BTRC: variants seen among roughly 807,000 people sequenced by gnomAD.
BTRC encodes the protein F-box/WD repeat-containing protein 1A.
In BTRC, 42 loss-of-function variants were observed where a neutral mutation model predicts 85.5. That is an observed-to-expected ratio of 0.49 (90% CI 0.38 to 0.64). The LOEUF (loss-of-function observed/expected upper bound fraction) is 0.64, where lower values mean the gene tolerates loss of function less well. Among genes scored for constraint, BTRC ranks in the 30% least tolerant of loss-of-function variants. The pLI is 0.00. For synonymous variants in BTRC, 255 were observed against 263.3 expected, an observed-to-expected ratio of 0.97 and a Z score of 0.30; for missense variants, 594 against 743.5, an observed-to-expected ratio of 0.80 and a Z score of 2.34.
At position 101,538,371 on chromosome 10, in the gene BTRC, G is replaced by A; in HGVS notation, c.1656G>A (p.Val552=). ...PAGTLCLRTL[V]EHSGRVFRLQ... ...GGACACTCTGTCTACGGACCCTTGTGGTAAGAGCCTTGCTGTTTAGAGAGC... is the reference window on the plus strand; with the variant it reads ...GGACACTCTGTCTACGGACCCTTGTAGTAAGAGCCTTGCTGTTTAGAGAGC... The change falls in exon 13 of 15, where the codon GTG becomes GTA. Residue 552 remains valine (V), a splice_region_variant and synonymous_variant. Transcript: ENST00000370187. 1 of 1,612,360 alleles carries A rather than the reference G, an allele frequency of 6.2e-7. No homozygotes were observed. The highest frequency in any genetic ancestry group is 8.5e-7 in the Non-Finnish European group (1 of 1,178,394).
intron 13 of BTRC, among the ~76,000 whole-genome samples, chr10:101,546,879 TC>T (rs1486226510): frequency 2.6e-5 from 4 of 152,202 alleles, no homozygotes; most frequent in African/African-American, 9.7e-5. Context: ...TTAATAATTA[TC>T]TTTCCAAACA....
chr10:101,372,501 G>A (rs1184963266), intron 1 of BTRC, among the ~76,000 whole-genome samples: 4 of 148,516 alleles, frequency 2.7e-5, no homozygotes, highest in East Asian at 2.1e-4. Flanking sequence ...TGATCTGCCC[G>A]CCTCGGCCTC....
rs1158403900 is a variant in BTRC at position 101,538,347 on chromosome 10, GAC to G, written c.1635_1636del (p.Cys547SerfsTer17). On this transcript the variant is annotated frameshift_variant, in exon 13 of 15. Coordinates refer to ENST00000370187, the MANE Select transcript of BTRC (RefSeq NM_033637.4). LOFTEE classifies it high-confidence loss of function. The part of the protein sequence containing the change: ...AALDPRAPAG[T>X]LCLRTLVEHS... ...CTTTGGACCCCCGTGCTCCTGCAGGGACACTCTGTCTACGGACCCTTGTGGTA... is the reference window on the plus strand; with the variant it reads ...CTTTGGACCCCCGTGCTCCTGCAGGGACTCTGTCTACGGACCCTTGTGGTA... The G allele has an allele frequency of 1.9e-6, 3 of 1,613,896 alleles. No homozygotes were observed. Among genetic ancestry groups the G allele is most frequent in the Non-Finnish European group, 2.5e-6 (3 of 1,179,896 alleles).
intron 1 of BTRC, among the ~76,000 whole-genome samples, chr10:101,419,767 TATC>T (rs1944048093): frequency 1.3e-5 from 2 of 152,200 alleles, no homozygotes; most frequent in African/African-American, 4.8e-5. Flanking sequence ...TATCCATTAT[TATC>T]ATTATTTAGT....
At chr10:101,382,144 G>A (rs749788504) in intron 1 of BTRC, among the ~76,000 whole-genome samples, 12 of 150,984 alleles carry the variant, frequency 7.9e-5, no homozygotes, top group Non-Finnish European at 1.3e-4. Flanking sequence ...CACCACGCCC[G>A]GTTAATTTTT....
chr10:101,526,410 T>G (rs2062191816), intron 6 of BTRC, among the ~76,000 whole-genome samples: 1 of 152,236 alleles, frequency 6.6e-6, no homozygotes, highest in Non-Finnish European at 1.5e-5. Flanking sequence ...GATATTGTAT[T>G]AATACTGCTT....
chr10:101,517,466 T>C (rs760686960), intron 4 of BTRC, among the ~76,000 whole-genome samples: 29 of 152,218 alleles, frequency 1.9e-4, no homozygotes, highest in Non-Finnish European at 3.8e-4. Context: ...AAGGCAAGCC[T>C]GAGCCTTGAA....
rs10610835 is a variant in BTRC, at chr10:101,399,321, CT to C, written c.49-31001del. The stretch of plus-strand genomic sequence containing the variant: ...AAGGGAGAACTATAACTAGAATCAC[CT>C]TTTTTTTTTTTTTTTTTTTTTTAGA... On this transcript the variant is annotated intron_variant, in intron 1 of 14. Coordinates refer to ENST00000370187, the MANE Select transcript of BTRC (RefSeq NM_033637.4). Among the ~76,000 whole-genome samples, 880 of 127,996 alleles carry C rather than the reference CT, an allele frequency of 6.9e-3. 9 individuals are homozygous for C. The highest frequency in any genetic ancestry group is 0.013 in the African/African-American group (440 of 33,002). 84.0% of individuals were successfully genotyped at this position (127,996 alleles called of 152,430 possible).
At chr10:101,457,457 C>T (rs1311384702) in intron 2 of BTRC, among the ~76,000 whole-genome samples, 2 of 152,160 alleles carry the variant, frequency 1.3e-5, no homozygotes, top group Admixed American at 1.3e-4. Context: ...ACAGAGCTAC[C>T]AGAAAGGTGC....
At chr10:101,479,516 AG>A (rs1180562604) in intron 4 of BTRC, 59 bp downstream of exon 4, 45 of 1,349,592 alleles carry the variant, frequency 3.3e-5, no homozygotes, top group Admixed American at 2.6e-4. Context: ...CCATATCTGT[AG>A]GCATCTTTAC....
chr10:101,496,094 G>T (rs2134275128), intron 4 of BTRC, among the ~76,000 whole-genome samples: 1 of 151,154 alleles, frequency 6.6e-6, no homozygotes, highest in East Asian at 1.9e-4. Flanking sequence ...ATTTGTTATT[G>T]ATATGTAATA....
chr10:101,382,182 C>T (rs1414953673), intron 1 of BTRC, among the ~76,000 whole-genome samples: 1 of 151,436 alleles, frequency 6.6e-6, no homozygotes, highest in East Asian at 1.9e-4. Context: ...GGGGTTTCAC[C>T]ATGCTGGCCA....
intron 2 of BTRC, among the ~76,000 whole-genome samples, chr10:101,432,369 C>T (rs1232696011): frequency 6.6e-6 from 1 of 152,138 alleles, no homozygotes; most frequent in East Asian, 1.9e-4. Context: ...CTCAAGTGAT[C>T]TGCCTGCCTC....
chr10:101,453,184 A>G (rs910969250), intron 2 of BTRC, among the ~76,000 whole-genome samples: 3 of 152,206 alleles, frequency 2.0e-5, no homozygotes, highest in African/African-American at 7.2e-5. Flanking sequence ...TATTAATCCA[A>G]TTACTAATTT....
intron 4 of BTRC, among the ~76,000 whole-genome samples, chr10:101,482,619 T>A (rs1214898687): frequency 6.6e-6 from 1 of 151,972 alleles, no homozygotes; most frequent in Non-Finnish European, 1.5e-5. Context: ...ATGGTCTTGA[T>A]CTCCTGACGT....
At chr10:101,491,411 C>A (rs1474369407) in intron 4 of BTRC, among the ~76,000 whole-genome samples, 1 of 152,030 alleles carries the variant, frequency 6.6e-6, no homozygotes, top group African/African-American at 2.4e-5. Context: ...AAAAATGTGT[C>A]CCTTGGCCTG....
At chr10:101,416,968 A>G (rs1943962442) in intron 1 of BTRC, among the ~76,000 whole-genome samples, 1 of 151,906 alleles carries the variant, frequency 6.6e-6, no homozygotes, top group African/African-American at 2.4e-5. Context: ...TTATTTTTAA[A>G]CATTCTCAAA....
At chr10:101,434,863 G>T (rs747877380) in intron 2 of BTRC, among the ~76,000 whole-genome samples, 1 of 151,602 alleles carries the variant, frequency 6.6e-6, no homozygotes, top group Non-Finnish European at 1.5e-5. Flanking sequence ...TTAAACTCCT[G>T]TCTTCAGGTG....
At chr10:101,417,726 T>C (rs1943985030) in intron 1 of BTRC, among the ~76,000 whole-genome samples, 2 of 152,164 alleles carry the variant, frequency 1.3e-5, no homozygotes, top group East Asian at 3.8e-4. Context: ...GTTCTTTCAC[T>C]CAGGGTGGAG....
Sources: gnomAD v4.1 joint callset for allele counts (sites outside exome capture counted in the v4.1 genomes callset) on GRCh38, gnomAD v4.1.1 for gene constraint, MANE v1.5 for transcripts, NCBI Gene and HGNC (gene_info 2026-07-23, HGNC 2026-07-21) for gene names.